VWC2: variants seen among roughly 807,000 people sequenced by gnomAD.
VWC2 encodes the protein brorin.
VWC2 carries 14 observed loss-of-function variants against 29.8 expected under a neutral mutation model. That is an observed-to-expected ratio of 0.47 (90% CI 0.31 to 0.74). The LOEUF (loss-of-function observed/expected upper bound fraction) is 0.74, where lower values mean the gene tolerates loss of function less well. Ranked by LOEUF, VWC2 falls within the 30% of genes least tolerant of loss-of-function variation. The pLI, the probability that VWC2 is intolerant of heterozygous loss-of-function variation, is 0.05. For missense variants in VWC2, 457 were observed against 459.8 expected (o/e 0.99, Z 0.05); for synonymous variants, 213 against 199.0 (o/e 1.07, Z -0.59).
intron 3 of VWC2, among the ~76,000 whole-genome samples, chr7:49,859,445 A>T (rs1790558420): frequency 6.6e-6 from 1 of 152,142 alleles, no homozygotes; most frequent in Non-Finnish European, 1.5e-5. Context: ...AATGGAGATG[A>T]TACTGATTTT....
intron 3 of VWC2, among the ~76,000 whole-genome samples, chr7:49,892,613 T>C (rs923410698): frequency 6.6e-6 from 1 of 152,234 alleles, no homozygotes; most frequent in East Asian, 1.9e-4. Context: ...TCATGCTGTG[T>C]TGGCATTTTT....
chr7:49,881,272 A>G (rs1791651591), intron 3 of VWC2, among the ~76,000 whole-genome samples: 1 of 152,170 alleles, frequency 6.6e-6, no homozygotes, highest in Non-Finnish European at 1.5e-5. Flanking sequence ...CATTTGTTTC[A>G]TCAACCAGCT....
intron 2 of VWC2, among the ~76,000 whole-genome samples, chr7:49,789,258 GGT>G (rs879787718): frequency 8.6e-5 from 12 of 139,818 alleles, no homozygotes; most frequent in Admixed American, 7.0e-4. Context: ...TGTGGGAGTG[GGT>G]GTGTGTGAGC....
Position 49,831,176 on chromosome 7 carries a change from A to G in VWC2, c.826+28336A>G, listed in dbSNP as rs187132436. Among the ~76,000 whole-genome samples the G allele has an allele frequency of 7.2e-3, 1,094 of 152,246 alleles. 4 individuals carry two copies. Among genetic ancestry groups the G allele is most frequent in the Non-Finnish European group, 0.013 (859 of 68,006 alleles). ...CTGTGGCTCCAAGTTGAGGGCGCCCATCTCCAGCCACTTGCTCTTCTCCTA... is the reference window on the plus strand; with the variant it reads ...CTGTGGCTCCAAGTTGAGGGCGCCCGTCTCCAGCCACTTGCTCTTCTCCTA... On this transcript the variant is annotated intron_variant, in intron 3 of 3. Transcript: ENST00000340652.
intron 3 of VWC2, among the ~76,000 whole-genome samples, chr7:49,900,476 T>C (rs1583789835): frequency 6.6e-6 from 1 of 151,524 alleles, no homozygotes; most frequent in African/African-American, 2.4e-5. Flanking sequence ...AGAGAGGACA[T>C]CATTACAGAT....
chr7:49,824,707 T>G (rs565598990), intron 3 of VWC2, among the ~76,000 whole-genome samples: 1 of 152,300 alleles, frequency 6.6e-6, no homozygotes, highest in South Asian at 2.1e-4. Flanking sequence ...TTCATTTATT[T>G]AGATATTTTA....
intron 3 of VWC2, among the ~76,000 whole-genome samples, chr7:49,863,959 T>C (rs962213065): frequency 6.6e-6 from 1 of 152,196 alleles, no homozygotes; most frequent in African/African-American, 2.4e-5. Context: ...AAAATATTTT[T>C]TCTTTATTTT....
chr7:49,824,668 T>G (rs1261377812), intron 3 of VWC2, among the ~76,000 whole-genome samples: 1 of 152,098 alleles, frequency 6.6e-6, no homozygotes, highest in Non-Finnish European at 1.5e-5. Context: ...CCAGATTGAG[T>G]TTTTCAGTCT....
In VWC2 at chr7:49,920,107, G is replaced by C. The variant is rs1327152540; in HGVS notation, c.*7922G>C. 6.6e-6 allele frequency: 1 copy of C among 151,858 alleles called. No individual in the cohort carries two copies. The highest frequency in any genetic ancestry group is 1.5e-5 in the Non-Finnish European group (1 of 67,960). The allele number at this position is 151,858 out of a possible 1,614,324, so 9.4% of individuals were successfully genotyped here. On this transcript the variant is annotated 3_prime_UTR_variant, in exon 4 of 4. Coordinates refer to ENST00000340652, the MANE Select transcript of VWC2 (RefSeq NM_198570.5). The stretch of plus-strand genomic sequence containing the variant: ...AATCATGTTATTATAATAACCAGGA[G>C]AGAAAATAAAAGGAGACATTAATTT...
intron 2 of VWC2, among the ~76,000 whole-genome samples, chr7:49,796,640 C>A (rs1286648999): frequency 6.6e-6 from 1 of 152,176 alleles, no homozygotes; most frequent in Non-Finnish European, 1.5e-5. Context: ...CTGAAAAATA[C>A]TTCCTACCTT....
intron 3 of VWC2, among the ~76,000 whole-genome samples, chr7:49,845,801 T>C (rs144334605): frequency 5.3e-4 from 81 of 152,216 alleles, no homozygotes; most frequent in Middle Eastern, 3.4e-3. Context: ...GCCACAGATA[T>C]AGAACCTTGT....
intron 3 of VWC2, among the ~76,000 whole-genome samples, chr7:49,865,415 G>A (rs1790839614): frequency 2.6e-5 from 4 of 152,208 alleles, no homozygotes; most frequent in African/African-American, 7.2e-5. Flanking sequence ...AGCTTTGGCT[G>A]TATAACCAAC....
intron 3 of VWC2, among the ~76,000 whole-genome samples, chr7:49,909,463 G>A (rs1583815910): frequency 6.6e-6 from 1 of 152,174 alleles, no homozygotes; most frequent in East Asian, 1.9e-4. Context: ...CAGAGCAAGG[G>A]AGGCAGCAAA....
chr7:49,794,481 C>G (rs1294114157), intron 2 of VWC2, among the ~76,000 whole-genome samples: 1 of 152,182 alleles, frequency 6.6e-6, no homozygotes, highest in Non-Finnish European at 1.5e-5. Flanking sequence ...GCTGCACTGT[C>G]TTTGGCCCTT....
chr7:49,897,720 A>G (rs1317846227), intron 3 of VWC2, among the ~76,000 whole-genome samples: 1 of 152,250 alleles, frequency 6.6e-6, no homozygotes, highest in Non-Finnish European at 1.5e-5. Flanking sequence ...GTATTGGGTT[A>G]GGAAAATGTA....
intron 3 of VWC2, among the ~76,000 whole-genome samples, chr7:49,814,061 C>G (rs1161235118): frequency 6.6e-6 from 1 of 152,156 alleles, no homozygotes; most frequent in East Asian, 1.9e-4. Context: ...GTCAAGAACT[C>G]TACTCTGAAG....
At chr7:49,826,977 C>T (rs1371019291) in intron 3 of VWC2, among the ~76,000 whole-genome samples, 2 of 151,740 alleles carry the variant, frequency 1.3e-5, no homozygotes, top group Non-Finnish European at 2.9e-5. Context: ...TTCAGTATTC[C>T]AAGTCAGGAA....
chr7:49,780,453 A>G (rs1788149265), intron 2 of VWC2, among the ~76,000 whole-genome samples: 1 of 152,204 alleles, frequency 6.6e-6, no homozygotes, highest in Non-Finnish European at 1.5e-5. Flanking sequence ...TTGCTCAACA[A>G]AACAAGTTGT....
chr7:49,868,800 G>A (rs531621940), intron 3 of VWC2, among the ~76,000 whole-genome samples: 2 of 152,090 alleles, frequency 1.3e-5, no homozygotes, highest in South Asian at 2.1e-4. Flanking sequence ...TTGTATTTTT[G>A]TAGAGACAAG....
Sources: gnomAD v4.1 joint callset for allele counts (sites outside exome capture counted in the v4.1 genomes callset) on GRCh38, gnomAD v4.1.1 for gene constraint, MANE v1.5 for transcripts, NCBI Gene and HGNC (gene_info 2026-07-23, HGNC 2026-07-21) for gene names.